The following ADORA2B variants were observed in gnomAD, a reference collection of about 807,000 sequenced individuals.
ADORA2B encodes the protein adenosine receptor A2b.
A neutral mutation model predicts 20.8 loss-of-function variants in ADORA2B; 18 were observed. That is an observed-to-expected ratio of 0.87 (90% CI 0.60 to 1.29). ADORA2B has a LOEUF of 1.29. Ranked by LOEUF, ADORA2B falls within the 50% of genes most tolerant of loss-of-function variation. The pLI is 0.00. For missense variants in ADORA2B, 441 were observed against 422.7 expected (o/e 1.04, Z -0.38); for synonymous variants, 179 against 178.3 (o/e 1.00, Z -0.03).
the ADORA2B span, among the ~76,000 whole-genome samples, chr17:15,937,842 G>A: frequency 6.6e-6 from 1 of 152,076 alleles, no homozygotes; most frequent in African/African-American, 2.4e-5. Flanking sequence ...CAAATTGCTG[G>A]GATTACAGGC....
the ADORA2B span, among the ~76,000 whole-genome samples, chr17:15,885,302 TTAAA>T: frequency 6.6e-6 from 1 of 152,190 alleles, no homozygotes; most frequent in Non-Finnish European, 1.5e-5. Context: ...ATTTTAACAT[TTAAA>T]TAGCCACGTG....
At chr17:15,908,625 G>T in the ADORA2B span, 2 of 184,912 alleles carry the variant, frequency 1.1e-5, no homozygotes, top group South Asian at 2.3e-4. Flanking sequence ...AAGTACTTTC[G>T]GACGTAACCC....
chr17:15,945,440 C>T lies in ADORA2B; in HGVS notation c.192C>T (p.Ala64=). The change falls in exon 1 of 2, where the codon GCC becomes GCT. Residue 64 remains alanine, a synonymous_variant. Transcript: ENST00000304222. ...VAVGLFAIPF[A]ITISLGFCTD... ...TGGGGCTCTTCGCCATCCCCTTTGC[C>T]ATCACCATCAGCCTGGGCTTCTGCA... is the stretch of plus-strand genomic sequence containing the variant. The T allele has an allele frequency of 2.5e-6, 4 of 1,613,768 alleles. No individual in the cohort carries two copies. Among genetic ancestry groups the T allele is most frequent in the Non-Finnish European group, 3.4e-6 (4 of 1,179,968 alleles).
chr17:15,936,246 T>C, the ADORA2B span, among the ~76,000 whole-genome samples: 1 of 152,154 alleles, frequency 6.6e-6, no homozygotes, highest in South Asian at 2.1e-4. Flanking sequence ...ATCTCTTTTT[T>C]TGAGATTCTC....
At chr17:15,944,412 A>G (rs999856467), upstream of ADORA2B, among the ~76,000 whole-genome samples, 22 of 152,142 alleles carry the variant, frequency 1.4e-4, no homozygotes, top group African/African-American at 5.3e-4. The surrounding 1 kb of genome is among the most constrained non-coding windows in gnomAD (Gnocchi z 4.8). Flanking sequence ...TGAAGGAAAG[A>G]AAAAAGAGGG....
chr17:15,853,964 T>C, the ADORA2B span, among the ~76,000 whole-genome samples: 410 of 152,262 alleles, frequency 2.7e-3, 1 homozygote, highest in African/African-American at 9.1e-3. Context: ...TATTTACTTA[T>C]TTATTTTTGA....
chr17:15,931,959 T>C, the ADORA2B span, among the ~76,000 whole-genome samples: 1 of 152,004 alleles, frequency 6.6e-6, no homozygotes, highest in Admixed American at 6.6e-5. Flanking sequence ...CTCAAACTCC[T>C]GACCTCAGGT....
chr17:15,860,090 A>C, the ADORA2B span, among the ~76,000 whole-genome samples: 1 of 152,270 alleles, frequency 6.6e-6, no homozygotes, highest in East Asian at 1.9e-4. Context: ...GTTCCGTTCT[A>C]ATTACTGGTG....
At chr17:15,905,941 A>G in the ADORA2B span, among the ~76,000 whole-genome samples, 1 of 152,236 alleles carries the variant, frequency 6.6e-6, no homozygotes, top group Admixed American at 6.5e-5. Flanking sequence ...GGCGTGAGCC[A>G]CTGTGCCCGG....
the ADORA2B span, among the ~76,000 whole-genome samples, chr17:15,868,538 C>G: frequency 2.2e-5 from 3 of 136,372 alleles, no homozygotes; most frequent in Non-Finnish European, 5.0e-5. Context: ...TTTGGGAGGC[C>G]GAGGCGGGCG....
the ADORA2B span, among the ~76,000 whole-genome samples, chr17:15,910,016 G>A: frequency 6.6e-6 from 1 of 152,202 alleles, no homozygotes; most frequent in African/African-American, 2.4e-5. Flanking sequence ...GCACTACACA[G>A]CAAGTGAGGG....
chr17:15,923,370 T>A, the ADORA2B span, among the ~76,000 whole-genome samples: 1 of 145,894 alleles, frequency 6.9e-6, no homozygotes, highest in African/African-American at 2.5e-5. Flanking sequence ...TCTCTCTGTC[T>A]CTCTCTCTAT....
the ADORA2B span, among the ~76,000 whole-genome samples, chr17:15,919,507 A>G: frequency 2.0e-5 from 3 of 152,136 alleles, no homozygotes; most frequent in Non-Finnish European, 2.9e-5. Context: ...CTCTCCAGCT[A>G]TGGGTGTCAT....
At chr17:15,858,540 T>G in the ADORA2B span, among the ~76,000 whole-genome samples, 1 of 152,212 alleles carries the variant, frequency 6.6e-6, no homozygotes, top group Non-Finnish European at 1.5e-5. Flanking sequence ...TTGCCCTTTT[T>G]GTTTCTTTTG....
the ADORA2B span, among the ~76,000 whole-genome samples, chr17:15,933,223 G>C: frequency 3.3e-5 from 5 of 152,116 alleles, no homozygotes; most frequent in African/African-American, 1.2e-4. Flanking sequence ...CCAAAGTGTT[G>C]GGATTACAGG....
intron 1 of ADORA2B, among the ~76,000 whole-genome samples, chr17:15,950,164 T>TC (rs1969879107): frequency 6.6e-6 from 1 of 152,238 alleles, no homozygotes; most frequent in Admixed American, 6.5e-5. Context: ...GGCGGCCTCT[T>TC]AATGCATTTG....
chr17:15,926,956 GC>G, the ADORA2B span, among the ~76,000 whole-genome samples: 2 of 152,126 alleles, frequency 1.3e-5, no homozygotes. Context: ...CGGCAGCAGA[GC>G]AAGACCCTGT....
At chr17:15,972,645 C>T (rs1444972091) in intron 1 of ADORA2B, among the ~76,000 whole-genome samples, 1 of 152,172 alleles carries the variant, frequency 6.6e-6, no homozygotes, top group Non-Finnish European at 1.5e-5. Context: ...ATAGAGCCTG[C>T]TTATCTGATA....
upstream of ADORA2B, among the ~76,000 whole-genome samples, chr17:15,944,253 C>T (rs1251842530): frequency 6.6e-6 from 1 of 152,066 alleles, no homozygotes; most frequent in African/African-American, 2.4e-5. This position sits in a 1 kb window ranked among gnomAD's most constrained non-coding sequence, Gnocchi z 4.8. Context: ...GATTTGGGGG[C>T]ACCAGTCTCT....
Sources: allele counts gnomAD v4.1 joint callset (sites outside exome capture counted in the v4.1 genomes callset), GRCh38; gene constraint gnomAD v4.1.1; non-coding constraint Gnocchi (gnomAD v3.1); transcripts MANE v1.5; gene names NCBI Gene and HGNC (gene_info 2026-07-23, HGNC 2026-07-21).